Variants in IL1RAPL2 observed in about 807,000 individuals in gnomAD.
IL1RAPL2 encodes the protein interleukin 1 receptor accessory protein like 2.
Under a neutral mutation model 44.1 loss-of-function variants are expected in IL1RAPL2, and 3 were observed. That is an observed-to-expected ratio of 0.07 (90% CI 0.03 to 0.18). The LOEUF (loss-of-function observed/expected upper bound fraction) is 0.18. Among genes scored for constraint, IL1RAPL2 ranks in the 10% least tolerant of loss-of-function variants. The pLI, the probability that IL1RAPL2 is intolerant of heterozygous loss-of-function variation, is 1.00. For synonymous variants in IL1RAPL2, 181 were observed against 178.8 expected, an observed-to-expected ratio of 1.01 and a Z score of -0.10; for missense variants, 391 against 496.4, an observed-to-expected ratio of 0.79 and a Z score of 2.02.
intron 2 of IL1RAPL2, among the ~76,000 whole-genome samples, chrX:104,975,376 A>G (rs753848080): frequency 8.9e-6 from 1 of 111,815 alleles, no homozygotes; most frequent in East Asian, 2.8e-4. Context: ...CTTTTTTCCT[A>G]CAGCACAAGT....
At chrX:105,750,605 G>A (rs1021577860) in intron 9 of IL1RAPL2, among the ~76,000 whole-genome samples, 6 of 108,844 alleles carry the variant, frequency 5.5e-5, no homozygotes, top group African/African-American at 2.0e-4. Flanking sequence ...TGCACCTGGC[G>A]TGAAATGCTT....
intron 6 of IL1RAPL2, among the ~76,000 whole-genome samples, chrX:105,584,032 T>C (rs770055422): frequency 3.6e-5 from 4 of 112,374 alleles, no homozygotes; most frequent in African/African-American, 1.3e-4. Context: ...GTTCTAAATA[T>C]GGTCCTTTTG....
intron 2 of IL1RAPL2, among the ~76,000 whole-genome samples, chrX:104,904,328 T>G (rs1429552375): frequency 9.1e-6 from 1 of 109,508 alleles, no homozygotes; most frequent in Non-Finnish European, 1.9e-5. Context: ...ATACTTTAAG[T>G]TTTAGGGTAC....
chrX:105,331,177 C>G (rs1279948731), intron 5 of IL1RAPL2, among the ~76,000 whole-genome samples: 1 of 111,346 alleles, frequency 9.0e-6, no homozygotes, highest in Non-Finnish European at 1.9e-5. Context: ...CAATTTCTTA[C>G]AACACACAGA....
At chrX:104,898,315 T>C (rs1292908227) in intron 2 of IL1RAPL2, among the ~76,000 whole-genome samples, 1 of 111,825 alleles carries the variant, frequency 8.9e-6, no homozygotes, top group Non-Finnish European at 1.9e-5. Context: ...GGGACACTGG[T>C]GTTGATTTTA....
chrX:104,903,840 A>C (rs887937954), intron 2 of IL1RAPL2, among the ~76,000 whole-genome samples: 1 of 111,469 alleles, frequency 9.0e-6, no homozygotes, highest in Non-Finnish European at 1.9e-5. Flanking sequence ...CAGCCTCCCA[A>C]AGTGCTAGGA....
chrX:104,896,421 C>G (rs1469992195), intron 2 of IL1RAPL2, among the ~76,000 whole-genome samples: 1 of 111,476 alleles, frequency 9.0e-6, no homozygotes, highest in Admixed American at 9.5e-5. Flanking sequence ...TGCCCCTATC[C>G]AGCAGGAAGT....
intron 2 of IL1RAPL2, among the ~76,000 whole-genome samples, chrX:104,823,972 CA>C (rs1410101749): frequency 9.0e-6 from 1 of 111,680 alleles, no homozygotes; most frequent in Non-Finnish European, 1.9e-5. Context: ...TGCTATTTTT[CA>C]AAGGGAATGC....
At chrX:105,062,186 T>C (rs1006225087) in intron 2 of IL1RAPL2, among the ~76,000 whole-genome samples, 2 of 111,495 alleles carry the variant, frequency 1.8e-5, no homozygotes, top group Admixed American at 9.6e-5. Flanking sequence ...TTTATTTTTG[T>C]GTATCCACTG....
chrX:104,715,488 C>CG (rs1931544368), intron 2 of IL1RAPL2, among the ~76,000 whole-genome samples: 1 of 104,922 alleles, frequency 9.5e-6, no homozygotes, highest in African/African-American at 3.4e-5. Flanking sequence ...CTATCTCCTT[C>CG]AGTTGAGCTC....
At chrX:104,844,101 T>C (rs1367676221) in intron 2 of IL1RAPL2, among the ~76,000 whole-genome samples, 1 of 111,075 alleles carries the variant, frequency 9.0e-6, no homozygotes, top group Non-Finnish European at 1.9e-5. Flanking sequence ...GTTGCTGTTT[T>C]TTTTTTAATG....
At chrX:105,167,549 A>C (rs2033381068) in intron 2 of IL1RAPL2, among the ~76,000 whole-genome samples, 1 of 111,130 alleles carries the variant, frequency 9.0e-6, no homozygotes, top group Admixed American at 9.6e-5. Flanking sequence ...CGCCATTCCC[A>C]AAAAAAGGCA....
chrX:105,183,591 G>T (rs1780367830), intron 2 of IL1RAPL2, among the ~76,000 whole-genome samples: 1 of 111,642 alleles, frequency 9.0e-6, no homozygotes, highest in African/African-American at 3.3e-5. Context: ...GCTGGTGTGG[G>T]CAGGGTTTCT....
chrX:105,445,334 G>GTTTCCTTGATCGATTTTA (rs1456362741), intron 5 of IL1RAPL2, among the ~76,000 whole-genome samples: 9 of 110,559 alleles, frequency 8.1e-5, no homozygotes, highest in Non-Finnish European at 9.5e-5. Flanking sequence ...ACAAATTTTT[G>GTTTCCTTGATCGATTTTA]TTTCCTTGAT....
At chrX:105,328,319 T>A (rs763715897) in intron 5 of IL1RAPL2, among the ~76,000 whole-genome samples, 1 of 111,775 alleles carries the variant, frequency 8.9e-6, no homozygotes, top group South Asian at 3.8e-4. Flanking sequence ...AACCTTACCA[T>A]TTTAAAGTAA....
At chrX:105,403,607 A>T (rs2035621330) in intron 5 of IL1RAPL2, among the ~76,000 whole-genome samples, 1 of 111,849 alleles carries the variant, frequency 8.9e-6, no homozygotes, top group African/African-American at 3.2e-5. Context: ...AACTCACATG[A>T]GGTGGATGTC....
intron 6 of IL1RAPL2, among the ~76,000 whole-genome samples, chrX:105,489,923 G>T (rs936823404): frequency 9.2e-6 from 1 of 108,130 alleles, no homozygotes; most frequent in Admixed American, 1.0e-4. Flanking sequence ...CGCCTCCCGG[G>T]TTCAAGTGAT....
intron 6 of IL1RAPL2, among the ~76,000 whole-genome samples, chrX:105,589,100 C>A (rs770002294): frequency 8.9e-6 from 1 of 111,793 alleles, no homozygotes; most frequent in Non-Finnish European, 1.9e-5. Flanking sequence ...GAGATGATAT[C>A]TCATTGTGGT....
At chrX:105,030,605 A>G (rs1569364640) in intron 2 of IL1RAPL2, among the ~76,000 whole-genome samples, 1 of 111,676 alleles carries the variant, frequency 9.0e-6, no homozygotes, top group Non-Finnish European at 1.9e-5. Context: ...ATTGATCTAT[A>G]TCTCTGTTTT....
Sources: gnomAD v4.1 joint callset for allele counts (sites outside exome capture counted in the v4.1 genomes callset) on GRCh38, gnomAD v4.1.1 for gene constraint, MANE v1.5 for transcripts, NCBI Gene and HGNC (gene_info 2026-07-23, HGNC 2026-07-21) for gene names.